The following STK24 variants were observed in gnomAD, a reference collection of about 807,000 sequenced individuals.
STK24 encodes serine/threonine kinase 24, also known as serine/threonine-protein kinase 24.
A neutral mutation model predicts 55.6 loss-of-function variants in STK24; 21 were observed. That is an observed-to-expected ratio of 0.38 (90% CI 0.27 to 0.54). STK24 has a LOEUF of 0.54. STK24 is among the 20% of genes least tolerant of loss of function. The pLI is 0.79. For missense variants in STK24, 383 were observed against 538.4 expected, an observed-to-expected ratio of 0.71 and a Z score of 2.86; for synonymous variants, 200 against 215.2, an observed-to-expected ratio of 0.93 and a Z score of 0.62.
At chr13:98,459,083 A>T (rs3783005) in intron 9 of STK24, among the ~76,000 whole-genome samples, 39,583 of 152,106 alleles carry the variant, frequency 0.26, 5,292 homozygotes, top group Non-Finnish European at 0.3. Context: ...CAGCCTCAGG[A>T]GAATGAAAAA....
intron 1 of STK24, among the ~76,000 whole-genome samples, chr13:98,543,649 G>A (rs1019559960): frequency 6.6e-6 from 1 of 152,160 alleles, no homozygotes; most frequent in African/African-American, 2.4e-5. Flanking sequence ...CCCCGCACTG[G>A]GGCCCGGAAG....
intron 2 of STK24, among the ~76,000 whole-genome samples, chr13:98,493,625 G>A (rs1335812233): frequency 6.6e-6 from 1 of 151,976 alleles, no homozygotes; most frequent in Admixed American, 6.5e-5. Flanking sequence ...TGCAAAAGTG[G>A]AGTATTTCTA....
At chr13:98,464,429 T>C (rs1893849137) in intron 6 of STK24, among the ~76,000 whole-genome samples, 1 of 151,324 alleles carries the variant, frequency 6.6e-6, no homozygotes, top group African/African-American at 2.4e-5. Flanking sequence ...AAAAAAAAGC[T>C]TATCTCCTAG....
chr13:98,496,952 G>T (rs561016901), intron 2 of STK24, among the ~76,000 whole-genome samples: 1 of 152,318 alleles, frequency 6.6e-6, no homozygotes, highest in Admixed American at 6.5e-5. Context: ...TCATCTGCGG[G>T]TACACATCCT....
chr13:98,539,396 C>T (rs1214061560), intron 1 of STK24, among the ~76,000 whole-genome samples: 4 of 151,946 alleles, frequency 2.6e-5, no homozygotes, highest in African/African-American at 9.7e-5. Flanking sequence ...CCTTGGATGC[C>T]TGAAAAAAAG....
At chr13:98,505,568 A>C (rs903315531) in intron 2 of STK24, among the ~76,000 whole-genome samples, 1 of 152,264 alleles carries the variant, frequency 6.6e-6, no homozygotes, top group Non-Finnish European at 1.5e-5. Context: ...ATTGAAGCAT[A>C]TAATCGAAAG....
chr13:98,525,238 T>G (rs1484340227), intron 1 of STK24, among the ~76,000 whole-genome samples: 3 of 152,248 alleles, frequency 2.0e-5, no homozygotes, highest in Admixed American at 6.5e-5. Flanking sequence ...GCCAGCCTTC[T>G]TGATAATTTC....
intron 1 of STK24, among the ~76,000 whole-genome samples, chr13:98,568,361 C>T (rs939521212): frequency 6.6e-6 from 1 of 152,148 alleles, no homozygotes; most frequent in Non-Finnish European, 1.5e-5. Context: ...GGCACCAGTC[C>T]CTCTGCCGGG....
chr13:98,534,561 T>C (rs1896661064), intron 1 of STK24, among the ~76,000 whole-genome samples: 1 of 152,184 alleles, frequency 6.6e-6, no homozygotes, highest in Non-Finnish European at 1.5e-5. Context: ...GGCCGGAGGC[T>C]ACAAGATTCT....
chr13:98,567,568 G>C (rs1273903074), intron 1 of STK24, among the ~76,000 whole-genome samples: 4 of 152,182 alleles, frequency 2.6e-5, no homozygotes, highest in Non-Finnish European at 2.9e-5. Context: ...GGGAGGTGGA[G>C]GCCACCGACC....
At position 98,466,433 on chromosome 13, in the gene STK24, G is replaced by A. The variant is rs1893929074; in HGVS notation, c.726C>T (p.Asn242=). The change falls in exon 6 of 11, where the codon AAC becomes AAT. Residue 242 remains asparagine (N), a synonymous_variant. Coordinates refer to ENST00000539966, the MANE Select transcript of STK24 (RefSeq NM_001032296.4). ...CAAACTCCTTGAGGGGTTTACTGTA[G>A]TTTCCTTCCAACGTCGGTGGGTTGT... ...PKNNPPTLEG[N]YSKPLKEFVE... is the part of the protein sequence containing the mutation. 1.9e-6 allele frequency: 3 copies of A among 1,613,540 alleles called. No homozygotes were observed. The African/African-American group carries it at 4.0e-5, about 22-fold the overall frequency.
At chr13:98,536,215 G>A (rs1026264009) in intron 1 of STK24, among the ~76,000 whole-genome samples, 4 of 152,132 alleles carry the variant, frequency 2.6e-5, no homozygotes, top group African/African-American at 4.8e-5. Context: ...GGGAACGTGA[G>A]CAATCAAGAT....
intron 5 of STK24, among the ~76,000 whole-genome samples, chr13:98,467,681 A>C (rs1402514073): frequency 6.6e-6 from 1 of 152,124 alleles, no homozygotes; most frequent in Non-Finnish European, 1.5e-5. Context: ...CCACTAGGAC[A>C]TCTCAGGTCC....
At chr13:98,490,359 G>T (rs1198250667) in intron 2 of STK24, among the ~76,000 whole-genome samples, 1 of 152,092 alleles carries the variant, frequency 6.6e-6, no homozygotes, top group African/African-American at 2.4e-5. Flanking sequence ...AACTCAAAGG[G>T]CATGTTGATC....
In STK24 at chr13:98,502,015, C is replaced by A. The variant is rs76330692; in HGVS notation, c.273+17228G>T. On this transcript the variant is annotated intron_variant, in intron 2 of 10. Coordinates refer to ENST00000539966, the MANE Select transcript of STK24 (RefSeq NM_001032296.4). ...TAAGCTGCTGCCCCAGCTCTCCAAC[C>A]CTAAGCCAGCAGAAAACTCTAAAAA... Among the ~76,000 whole-genome samples, 1,380 of 152,276 alleles carry A rather than the reference C, an allele frequency of 9.1e-3. 19 individuals are homozygous for A. The highest frequency in any genetic ancestry group is 0.03 in the African/African-American group (1,259 of 41,532).
intron 1 of STK24, among the ~76,000 whole-genome samples, chr13:98,560,767 G>T (rs548761261): frequency 6.6e-6 from 1 of 151,872 alleles, no homozygotes; most frequent in Admixed American, 6.6e-5. Flanking sequence ...TGTAGTCCCA[G>T]CCACTCAGGA....
intron 1 of STK24, among the ~76,000 whole-genome samples, chr13:98,569,256 A>G (rs1437197733): frequency 6.6e-6 from 1 of 152,140 alleles, no homozygotes; most frequent in East Asian, 1.9e-4. Context: ...ATGAATGTCC[A>G]CCCTGCAATT....
At chr13:98,461,635 GC>G (rs1339538733) in intron 8 of STK24, 138 bp downstream of exon 8, 2 of 1,175,196 alleles carry the variant, frequency 1.7e-6, no homozygotes, top group African/African-American at 3.0e-5. Flanking sequence ...CTCTTCATCT[GC>G]CCATCCCCTA....
chr13:98,561,659 G>A (rs1305109293), intron 1 of STK24, among the ~76,000 whole-genome samples: 1 of 151,960 alleles, frequency 6.6e-6, no homozygotes, highest in Non-Finnish European at 1.5e-5. Flanking sequence ...TGTATCTCTG[G>A]CTGGTACTCC....
Sources: gnomAD v4.1 joint callset for allele counts (sites outside exome capture counted in the v4.1 genomes callset) on GRCh38, gnomAD v4.1.1 for gene constraint, MANE v1.5 for transcripts, NCBI Gene and HGNC (gene_info 2026-07-23, HGNC 2026-07-21) for gene names.